Variants in MSI2 observed in about 807,000 individuals in gnomAD.
The protein encoded by MSI2 is RNA-binding protein Musashi homolog 2.
Under a neutral mutation model 45.6 loss-of-function variants are expected in MSI2, and 17 were observed. The ratio of observed to expected loss-of-function variants is 0.37; its 90% CI spans 0.26 to 0.56. MSI2 has a LOEUF of 0.56. Ranked by LOEUF, MSI2 falls within the 20% of genes least tolerant of loss-of-function variation. MSI2 has a pLI of 0.77. For synonymous variants in MSI2, 156 were observed against 158.2 expected, an observed-to-expected ratio of 0.99 and a Z score of 0.11; for missense variants, 293 against 444.2, an observed-to-expected ratio of 0.66 and a Z score of 3.06.
At chr17:57,403,933 GCACACACACACACACA>G (rs58718271) in intron 6 of MSI2, among the ~76,000 whole-genome samples, 3 of 149,082 alleles carry the variant, frequency 2.0e-5, no homozygotes, top group African/African-American at 7.4e-5. Context: ...GAATGAATGT[GCACACACACACACACA>G]CACACACACA....
intron 8 of MSI2, among the ~76,000 whole-genome samples, chr17:57,606,733 A>G (rs551019673): frequency 6.6e-6 from 1 of 152,180 alleles, no homozygotes; most frequent in Non-Finnish European, 1.5e-5. Context: ...ACTGATTGTA[A>G]TAAAACACTG....
intron 5 of MSI2, among the ~76,000 whole-genome samples, chr17:57,271,220 G>A (rs1320320116): frequency 6.6e-6 from 1 of 152,114 alleles, no homozygotes; most frequent in African/African-American, 2.4e-5. Context: ...AATGCTAATG[G>A]ATTCTTTTTT....
Position 57,573,111 on chromosome 17 carries a change from G to A in MSI2, c.455-23757G>A, listed in dbSNP as rs183253748. ...AGTCTCCTAGAATGCCTCTGTGGTG[G>A]GCGGTACGGTGTTCATGGGGACCAC... On this transcript the variant is annotated intron_variant, in intron 7 of 13. Transcript: ENST00000284073. Among the ~76,000 whole-genome samples the A allele has an allele frequency of 1.1e-4, 16 of 152,266 alleles. No individual in the cohort carries two copies. In the East Asian group the frequency reaches 3.1e-3, roughly 29 times the overall value.
intron 6 of MSI2, among the ~76,000 whole-genome samples, chr17:57,519,457 G>T (rs561905552): frequency 5.6e-4 from 86 of 152,254 alleles, no homozygotes; most frequent in African/African-American, 2.1e-3. Flanking sequence ...GGCTGAGCCT[G>T]GACTGCGTTC....
At chr17:57,586,902 C>A (rs983466450) in intron 7 of MSI2, among the ~76,000 whole-genome samples, 1 of 151,862 alleles carries the variant, frequency 6.6e-6, no homozygotes, top group South Asian at 2.1e-4. Context: ...CCTCAAAATT[C>A]TCTTTCCTGT....
intron 7 of MSI2, among the ~76,000 whole-genome samples, chr17:57,553,076 C>T (rs2087343219): frequency 1.3e-5 from 2 of 152,196 alleles, no homozygotes; most frequent in Admixed American, 1.3e-4. Context: ...GACGCCTGGC[C>T]TATTCAAAAG....
At chr17:57,351,811 T>C (rs792388) in intron 5 of MSI2, among the ~76,000 whole-genome samples, 76,682 of 152,120 alleles carry the variant, frequency 0.5, 22,378 homozygotes, top group African/African-American at 0.82. Flanking sequence ...GCCGAGATCG[T>C]GCCACTGCAC....
At chr17:57,358,274 G>A (rs1916587424) in intron 5 of MSI2, among the ~76,000 whole-genome samples, 1 of 151,822 alleles carries the variant, frequency 6.6e-6, no homozygotes, top group South Asian at 2.1e-4. Flanking sequence ...ACTCCTTCAG[G>A]CATTTTTTCT....
At chr17:57,275,096 G>A (rs1425284919) in intron 5 of MSI2, among the ~76,000 whole-genome samples, 1 of 152,202 alleles carries the variant, frequency 6.6e-6, no homozygotes, top group Non-Finnish European at 1.5e-5. Context: ...AGTCCTTAGA[G>A]GTCTGAGTAG....
intron 5 of MSI2, among the ~76,000 whole-genome samples, chr17:57,315,035 G>T (rs1207307646): frequency 6.6e-6 from 1 of 152,136 alleles, no homozygotes. Flanking sequence ...GGTGTGGATT[G>T]GGCTTTAGGA....
At chr17:57,429,010 C>G (rs761171065) in intron 6 of MSI2, among the ~76,000 whole-genome samples, 1 of 152,204 alleles carries the variant, frequency 6.6e-6, no homozygotes, top group African/African-American at 2.4e-5. Flanking sequence ...AGATCCCCCA[C>G]GCTTAAATAT....
chr17:57,685,468 T>C (rs1302747616), downstream of MSI2: 2 of 152,208 alleles, frequency 1.3e-5, no homozygotes, highest in Admixed American at 1.3e-4. Context: ...GACATGGCCT[T>C]CTTGGGTCCC....
At chr17:57,312,376 G>C (rs1912469511) in intron 5 of MSI2, among the ~76,000 whole-genome samples, 1 of 152,130 alleles carries the variant, frequency 6.6e-6, no homozygotes, top group South Asian at 2.1e-4. Flanking sequence ...GAGGAAACCT[G>C]GTGTGGTGGT....
intron 7 of MSI2, among the ~76,000 whole-genome samples, chr17:57,585,933 A>C (rs1039229480): frequency 1.1e-4 from 17 of 152,246 alleles, no homozygotes; most frequent in African/African-American, 3.6e-4. Context: ...CGCGAGCTGC[A>C]GTCCTGGCAC....
rs369678487 is a variant in MSI2, at chr17:57,607,795, A to G, written c.538-8175A>G. Among the ~76,000 whole-genome samples, 7 of 152,300 alleles carry G rather than the reference A, an allele frequency of 4.6e-5. No homozygotes were observed. The East Asian group carries it at 1.2e-3, about 25-fold the overall frequency. On this transcript the variant is annotated intron_variant, in intron 8 of 13. Transcript: ENST00000284073. ...GTGGGGCCTCAGGGAGCTTTTACTC[A>G]CGGAGGAAGGCAAAGTAGGAACAGG...
intron 6 of MSI2, among the ~76,000 whole-genome samples, chr17:57,516,810 G>C (rs2086479111): frequency 6.6e-6 from 1 of 152,240 alleles, no homozygotes; most frequent in African/African-American, 2.4e-5. Context: ...AGTGGAAATG[G>C]AGTGGGATTT....
intron 5 of MSI2, among the ~76,000 whole-genome samples, chr17:57,390,846 G>A (rs1018858819): frequency 3.9e-5 from 6 of 152,254 alleles, no homozygotes; most frequent in East Asian, 3.9e-4. Flanking sequence ...TTAAGTTGTG[G>A]TGTATCCGAG....
chr17:57,269,623 C>T (rs1327340833), intron 5 of MSI2, among the ~76,000 whole-genome samples: 2 of 152,182 alleles, frequency 1.3e-5, no homozygotes, highest in African/African-American at 2.4e-5. Context: ...TCCTCTTTTC[C>T]TCCTTAACAA....
chr17:57,664,933 C>T (rs1912255136), intron 11 of MSI2, among the ~76,000 whole-genome samples: 1 of 152,230 alleles, frequency 6.6e-6, no homozygotes, highest in Non-Finnish European at 1.5e-5. Context: ...GGCTGCATCA[C>T]AGACCCATCA....
Sources: gnomAD v4.1 joint callset for allele counts (sites outside exome capture counted in the v4.1 genomes callset) on GRCh38, gnomAD v4.1.1 for gene constraint, MANE v1.5 for transcripts, NCBI Gene and HGNC (gene_info 2026-07-23, HGNC 2026-07-21) for gene names.